Variants in ZFPM2 observed in about 807,000 individuals in gnomAD.
The protein encoded by ZFPM2 is zinc finger protein ZFPM2.
In ZFPM2, 20 loss-of-function variants were observed where a neutral mutation model predicts 98.6. That is an observed-to-expected ratio of 0.20 (90% CI 0.14 to 0.29). The LOEUF (loss-of-function observed/expected upper bound fraction) is 0.29, where lower values mean the gene tolerates loss of function less well. ZFPM2 is among the 10% of genes least tolerant of loss of function. The pLI is 1.00. For synonymous variants in ZFPM2, 518 were observed against 502.7 expected (o/e 1.03, Z -0.41); for missense variants, 1,310 against 1,388.6 (o/e 0.94, Z 0.90).
intron 5 of ZFPM2, among the ~76,000 whole-genome samples, chr8:105,676,639 A>G (rs1810476109): frequency 1.3e-5 from 2 of 152,058 alleles, no homozygotes; most frequent in Admixed American, 1.3e-4. Flanking sequence ...TTAGAAAGAA[A>G]TATATTTAAA....
chr8:105,504,357 G>A (rs541766429), intron 3 of ZFPM2, among the ~76,000 whole-genome samples: 2 of 152,270 alleles, frequency 1.3e-5, no homozygotes, highest in South Asian at 2.1e-4. Context: ...CCATTAACAA[G>A]TATGACAAAC....
At chr8:105,556,003 G>C (rs1814981365) in intron 3 of ZFPM2, among the ~76,000 whole-genome samples, 1 of 152,160 alleles carries the variant, frequency 6.6e-6, no homozygotes. Context: ...CTGTGGAGCA[G>C]TATCAGTGGT....
chr8:105,478,888 G>C (rs1048028216), intron 3 of ZFPM2, among the ~76,000 whole-genome samples: 1 of 152,174 alleles, frequency 6.6e-6, no homozygotes, highest in Non-Finnish European at 1.5e-5. Flanking sequence ...TTCGTGGAAT[G>C]CTACTAAAGT....
chr8:105,717,924 A>T (rs1811563483), intron 5 of ZFPM2, among the ~76,000 whole-genome samples: 1 of 151,872 alleles, frequency 6.6e-6, no homozygotes. Flanking sequence ...GTGAAGAAGT[A>T]GCTGGGCTGA....
intron 5 of ZFPM2, among the ~76,000 whole-genome samples, chr8:105,710,225 C>G (rs1811351238): frequency 6.6e-6 from 1 of 151,954 alleles, no homozygotes; most frequent in African/African-American, 2.4e-5. Context: ...GTCTGTAAAA[C>G]CAAGTACTGC....
At chr8:105,656,175 A>C (rs1218905379) in intron 5 of ZFPM2, among the ~76,000 whole-genome samples, 3 of 152,118 alleles carry the variant, frequency 2.0e-5, no homozygotes, top group African/African-American at 4.8e-5. Flanking sequence ...ACACACATAC[A>C]CATATCCCTC....
chr8:105,557,606 T>G (rs2130687787), intron 3 of ZFPM2, among the ~76,000 whole-genome samples: 1 of 152,312 alleles, frequency 6.6e-6, no homozygotes, highest in South Asian at 2.1e-4. Flanking sequence ...ATGGATTTTA[T>G]TTCATGGATT....
chr8:105,486,247 A>G (rs774156866), intron 3 of ZFPM2, among the ~76,000 whole-genome samples: 1 of 152,144 alleles, frequency 6.6e-6, no homozygotes, highest in Non-Finnish European at 1.5e-5. Context: ...TAGTGTTACT[A>G]CTTGAAACAT....
intron 5 of ZFPM2, among the ~76,000 whole-genome samples, chr8:105,681,477 A>T (rs1810598349): frequency 6.6e-6 from 1 of 152,232 alleles, no homozygotes; most frequent in African/African-American, 2.4e-5. Flanking sequence ...TCTGTAGATT[A>T]TAAGTAGCAC....
chr8:105,653,753 A>C (rs1269071254), intron 5 of ZFPM2, among the ~76,000 whole-genome samples: 1 of 151,408 alleles, frequency 6.6e-6, no homozygotes, highest in Middle Eastern at 3.2e-3. Context: ...TGCATGTTAG[A>C]GGCAAATAGA....
At chr8:105,737,461 T>A (rs1280689268) in intron 5 of ZFPM2, 1 of 153,272 alleles carries the variant, frequency 6.5e-6, no homozygotes, top group Non-Finnish European at 1.5e-5. Context: ...TCATTGAAAG[T>A]GCTATTTTCA....
chr8:105,623,130 TC>T (rs2130820532), intron 4 of ZFPM2, among the ~76,000 whole-genome samples: 2 of 152,278 alleles, frequency 1.3e-5, no homozygotes, highest in African/African-American at 4.8e-5. Flanking sequence ...CTCTAACACT[TC>T]CACACTTTTG....
chr8:105,694,152 A>AT lies in ZFPM2; in HGVS notation c.532+59802dup, dbSNP rs565848991. Among the ~76,000 whole-genome samples, 160 of 150,972 alleles carry AT rather than the reference A, an allele frequency of 1.1e-3. 1 individual carries two copies. The highest frequency in any genetic ancestry group is 2.4e-3 in the East Asian group (12 of 5,104). ...CAGGCGCCTGTCACTACGCCGGCTA[A>AT]TTTTTTTGTATTTTTAGTAGAGACG... is the stretch of plus-strand genomic sequence containing the variant. On this transcript the variant is annotated intron_variant, in intron 5 of 7. Coordinates refer to ENST00000407775, the MANE Select transcript of ZFPM2 (RefSeq NM_012082.4).
rs546391361 is a variant in ZFPM2, at chr8:105,491,504, A to G, written c.301+47123A>G. ...TATCACAGTGCACAGGCTGGCCGTT[A>G]AGTAAATTCCGGACTGTGAGATGAA... On this transcript the variant is annotated intron_variant, in intron 3 of 7. Coordinates refer to ENST00000407775, the MANE Select transcript of ZFPM2 (RefSeq NM_012082.4). Among the ~76,000 whole-genome samples, 4 of 152,296 alleles carry G rather than the reference A, an allele frequency of 2.6e-5. No homozygotes were observed. The East Asian group carries it at 7.7e-4, about 29-fold the overall frequency.
intron 4 of ZFPM2, among the ~76,000 whole-genome samples, chr8:105,599,725 A>G (rs1051230502): frequency 1.1e-4 from 17 of 152,150 alleles, no homozygotes; most frequent in African/African-American, 4.1e-4. Context: ...CTGCACCATC[A>G]GCCCTATCAC....
chr8:105,702,533 C>G (rs533709474), intron 5 of ZFPM2, among the ~76,000 whole-genome samples: 1 of 152,172 alleles, frequency 6.6e-6, no homozygotes, highest in East Asian at 1.9e-4. Context: ...GATTTTTCCT[C>G]TCAGATTTTA....
chr8:105,620,491 A>G (rs1816515789), intron 4 of ZFPM2, among the ~76,000 whole-genome samples: 1 of 151,934 alleles, frequency 6.6e-6, no homozygotes, highest in Non-Finnish European at 1.5e-5. Context: ...TTGTCTGTTC[A>G]CTCTGATGGT....
intron 3 of ZFPM2, among the ~76,000 whole-genome samples, chr8:105,527,397 C>A (rs1205187134): frequency 6.6e-6 from 1 of 152,136 alleles, no homozygotes; most frequent in East Asian, 1.9e-4. Context: ...GAGCAAAGTT[C>A]TCTTGTTTTT....
intron 1 of ZFPM2, among the ~76,000 whole-genome samples, chr8:105,413,482 T>TTTTATA (rs1227659350): frequency 7.9e-5 from 11 of 140,014 alleles, no homozygotes; most frequent in African/African-American, 2.6e-4. Context: ...AATTCAAACA[T>TTTTATA]TATATATATA....
Sources: allele counts gnomAD v4.1 joint callset (sites outside exome capture counted in the v4.1 genomes callset), GRCh38; gene constraint gnomAD v4.1.1; transcripts MANE v1.5; gene names NCBI Gene and HGNC (gene_info 2026-07-23, HGNC 2026-07-21).